The following RHPN2 variants were observed in gnomAD, a reference collection of about 807,000 sequenced individuals.
RHPN2 encodes the protein rhophilin-2.
A neutral mutation model predicts 79.0 loss-of-function variants in RHPN2; 40 were observed. The ratio of observed to expected loss-of-function variants is 0.51; its 90% CI spans 0.39 to 0.66. The LOEUF (loss-of-function observed/expected upper bound fraction) is 0.66, where lower values mean the gene tolerates loss of function less well. RHPN2 is among the 30% of genes least tolerant of loss of function. The pLI, the probability that RHPN2 is intolerant of heterozygous loss-of-function variation, is 0.00. For synonymous variants in RHPN2, 285 were observed against 363.5 expected (o/e 0.78, Z 2.46); for missense variants, 686 against 883.5 (o/e 0.78, Z 2.83).
intron 12 of RHPN2, among the ~76,000 whole-genome samples, chr19:32,992,452 A>T (rs1971668188): frequency 6.6e-6 from 1 of 152,230 alleles, no homozygotes; most frequent in East Asian, 1.9e-4. Flanking sequence ...CAGCCTCCCA[A>T]AGTGCTGGGA....
intron 1 of RHPN2, among the ~76,000 whole-genome samples, chr19:33,046,072 C>T (rs754063397): frequency 2.7e-5 from 4 of 149,894 alleles, no homozygotes; most frequent in Non-Finnish European, 5.9e-5. Context: ...CATAGATACA[C>T]CACACTTGTG....
At position 32,990,581 on chromosome 19, in the gene RHPN2, A is replaced by G. The variant is rs773734878; in HGVS notation, c.1733T>C (p.Leu578Pro). 15 of 1,613,782 alleles carry G rather than the reference A, an allele frequency of 9.3e-6. No individual in the cohort carries two copies. Among genetic ancestry groups the G allele is most frequent in the African/African-American group, 1.3e-5 (1 of 74,894 alleles). Residue 578 changes from leucine to proline, a missense_variant, in exon 14 of 15, where the codon CTG (leucine) becomes CCG (proline). Physicochemically the swap from Leu to Pro is moderately conservative, Grantham distance 98. Transcript: ENST00000254260. The stretch of plus-strand genomic sequence containing the variant: ...GATCTCGTCCTCGCCAAAGCTCTTC[A>G]GCAGCTTCATAACCTCACTCAGCGT... ...WLTLSEVMKL[L>P]KSFGEDEIEM...
At chr19:33,004,083 G>C (rs1971771940) in intron 7 of RHPN2, among the ~76,000 whole-genome samples, 1 of 152,134 alleles carries the variant, frequency 6.6e-6, no homozygotes, top group East Asian at 1.9e-4. Flanking sequence ...CTGTTGCCCA[G>C]ACTGGAGTGC....
At position 33,057,124 on chromosome 19, in the gene RHPN2, A is replaced by G. The variant is rs555978838; in HGVS notation, c.69+7660T>C. On this transcript the variant is annotated intron_variant, in intron 1 of 14. Transcript: ENST00000254260. ...AACAGAGCCAGACTCTGTCTCAAAA[A>G]AAAAAAAAAAAAGAGTTCGAGGCCA... Among the ~76,000 whole-genome samples, 26 of 144,682 alleles carry G rather than the reference A, an allele frequency of 1.8e-4. 1 individual carries two copies. In the South Asian group the frequency reaches 5.9e-3, roughly 33 times the overall value. The allele number at this position is 144,682 out of a possible 152,430, so 94.9% of individuals were successfully genotyped here. A position where few individuals can be genotyped will look rare whatever the true frequency, so the allele number is the denominator to read the frequency against.
At chr19:33,037,419 T>C (rs1032708236) in intron 2 of RHPN2, among the ~76,000 whole-genome samples, 3 of 152,210 alleles carry the variant, frequency 2.0e-5, no homozygotes. Flanking sequence ...GCAGGCTGCC[T>C]GAGCCAGCAG....
At chr19:33,062,593 A>G (rs879848593) in intron 1 of RHPN2, among the ~76,000 whole-genome samples, 28 of 151,908 alleles carry the variant, frequency 1.8e-4, no homozygotes, top group Non-Finnish European at 2.8e-4. Context: ...AACACGGTGA[A>G]ACCCCGTTTC....
intron 1 of RHPN2, among the ~76,000 whole-genome samples, 162 bp from the exon 2 acceptor site, chr19:33,044,526 A>C (rs1972126686): frequency 6.6e-6 from 1 of 152,250 alleles, no homozygotes; most frequent in Non-Finnish European, 1.5e-5. Context: ...CGCTCATAAC[A>C]ACACAATTGC....
At chr19:33,062,900 CA>C in intron 1 of RHPN2, among the ~76,000 whole-genome samples, 1 of 152,270 alleles carries the variant, frequency 6.6e-6, no homozygotes, top group African/African-American at 2.4e-5. Flanking sequence ...CCTGGGCTCA[CA>C]GACACGGAGG....
At chr19:33,018,638 C>G (rs1327871267) in intron 4 of RHPN2, among the ~76,000 whole-genome samples, 1 of 152,170 alleles carries the variant, frequency 6.6e-6, no homozygotes, top group East Asian at 1.9e-4. Context: ...AAACCCCAAA[C>G]TCACAGGATT....
chr19:33,064,821 TG>T lies in RHPN2; in HGVS notation c.31del (p.Gln11SerfsTer33). 2.2e-6 allele frequency: 3 copies of T among 1,335,012 alleles called. No individual in the cohort carries two copies. Among genetic ancestry groups the T allele is most frequent in the African/African-American group, 1.6e-5 (1 of 61,018 alleles). The allele number at this position is 1,335,012 out of a possible 1,614,324, so 82.7% of individuals were successfully genotyped here. On this transcript the variant is annotated frameshift_variant, in exon 1 of 15. Transcript: ENST00000254260. LOFTEE classifies it high-confidence loss of function. MTDALLPAAP[Q>X]PLEKENDGYF... ...GCCGTCGTTCTCCTTCTCCAGCGGC[TG>T]GGGGGCCGCGGGCAACAGCGCGTCG...
At chr19:33,001,153 G>C (rs533890319) in intron 9 of RHPN2, among the ~76,000 whole-genome samples, 1 of 152,290 alleles carries the variant, frequency 6.6e-6, no homozygotes, top group African/African-American at 2.4e-5. Flanking sequence ...CTCATTCATG[G>C]AAGAGCTGAG....
At chr19:33,049,612 C>T (rs1329726973) in intron 1 of RHPN2, among the ~76,000 whole-genome samples, 1 of 152,166 alleles carries the variant, frequency 6.6e-6, no homozygotes, top group South Asian at 2.1e-4. Context: ...CACTAAGGTT[C>T]GGACATTTCC....
At chr19:32,984,470 C>T (rs1018119978) in intron 14 of RHPN2, among the ~76,000 whole-genome samples, 2 of 152,078 alleles carry the variant, frequency 1.3e-5, no homozygotes, top group African/African-American at 4.8e-5. Flanking sequence ...ATCAGCCTGG[C>T]CAATATGGTG....
intron 2 of RHPN2, among the ~76,000 whole-genome samples, chr19:33,037,452 T>C (rs1972067830): frequency 6.6e-6 from 1 of 152,190 alleles, no homozygotes; most frequent in Admixed American, 6.5e-5. Context: ...CTGGTCCCTT[T>C]CCACACTGTG....
intron 2 of RHPN2, among the ~76,000 whole-genome samples, chr19:33,042,730 G>A (rs1018037388): frequency 1.3e-5 from 2 of 152,022 alleles, no homozygotes; most frequent in South Asian, 4.1e-4. Context: ...ACAACAGTTC[G>A]AGAACAACCT....
chr19:32,991,525 A>C (rs574526733), intron 13 of RHPN2: 80 of 395,976 alleles, frequency 2.0e-4, no homozygotes, highest in African/African-American at 1.5e-3. Context: ...CCAGCTACTC[A>C]GGAAGCTGAG....
Position 32,979,778 on chromosome 19 carries a change from G to A in RHPN2, c.*218C>T, listed in dbSNP as rs557746292. Reference sequence around the variant, plus strand: ...TACTTTATATAATAAATAACTTACAGCAGTATAGTAACACACCTCAAAAAA... The same window carrying A: ...TACTTTATATAATAAATAACTTACAACAGTATAGTAACACACCTCAAAAAA... On this transcript the variant is annotated 3_prime_UTR_variant, in exon 15 of 15. Coordinates refer to ENST00000254260, the MANE Select transcript of RHPN2 (RefSeq NM_033103.5). 6.9e-6 allele frequency: 4 copies of A among 577,282 alleles called. No individual in the cohort carries two copies. The East Asian group carries it at 1.2e-4, about 17-fold the overall frequency. 35.8% of individuals were successfully genotyped at this position (577,282 alleles called of 1,614,324 possible).
chr19:32,997,030 G>A (rs1451264720), intron 10 of RHPN2, among the ~76,000 whole-genome samples: 1 of 151,982 alleles, frequency 6.6e-6, no homozygotes, highest in Non-Finnish European at 1.5e-5. Context: ...TGAGCAGCTG[G>A]GACCACAGGC....
intron 7 of RHPN2, among the ~76,000 whole-genome samples, chr19:33,007,743 G>A (rs916329598): frequency 4.6e-4 from 69 of 148,402 alleles, no homozygotes; most frequent in African/African-American, 1.6e-3. Context: ...CTGAACCACC[G>A]AGCAAGTTTT....
Sources: gnomAD v4.1 joint callset for allele counts (sites outside exome capture counted in the v4.1 genomes callset) on GRCh38, gnomAD v4.1.1 for gene constraint, MANE v1.5 for transcripts, NCBI Gene and HGNC (gene_info 2026-07-23, HGNC 2026-07-21) for gene names.